The following ABCD2 variants were observed in gnomAD, a reference collection of about 807,000 sequenced individuals.
ABCD2 encodes ATP-binding cassette sub-family D member 2.
Under a neutral mutation model 70.9 loss-of-function variants are expected in ABCD2, and 36 were observed. The ratio of observed to expected loss-of-function variants is 0.51; its 90% CI spans 0.39 to 0.67. The LOEUF is 0.67. ABCD2 is among the 30% of genes least tolerant of loss of function. ABCD2 has a pLI of 0.00. For missense variants in ABCD2, 729 were observed against 890.2 expected, an observed-to-expected ratio of 0.82 and a Z score of 2.30; for synonymous variants, 304 against 306.9, an observed-to-expected ratio of 0.99 and a Z score of 0.10.
Position 39,617,080 on chromosome 12 carries a change from A to C in ABCD2, c.1028T>G (p.Ile343Arg). The C allele has an allele frequency of 6.2e-7, 1 of 1,613,176 alleles. No homozygotes were observed. Among genetic ancestry groups the C allele is most frequent in the Non-Finnish European group, 8.5e-7 (1 of 1,179,406 alleles). ...ILSKRLWYIMIEQFLMKYVWS... is the reference protein window; with the variant it reads ...ILSKRLWYIMREQFLMKYVWS... ...AACATACTTCATCAGGAACTGTTCT[A>C]TCATGATGTACCACAAACGTTTGGA... is the stretch of plus-strand genomic sequence containing the variant. Residue 343 changes from isoleucine to arginine, a missense_variant, in exon 2 of 10, where the codon ATA becomes AGA. Physicochemically the swap from Ile to Arg is moderately conservative, Grantham distance 97. This residue lies in a region of ABCD2 where 195 missense variants were observed against 300.2 expected (regional missense o/e 0.65). Coordinates refer to ENST00000308666, the MANE Select transcript of ABCD2 (RefSeq NM_005164.4).
chr12:39,549,048 T>A (rs1431454543), downstream of ABCD2, among the ~76,000 whole-genome samples: 3 of 152,032 alleles, frequency 2.0e-5, no homozygotes, highest in Non-Finnish European at 1.5e-5. Flanking sequence ...GACTTACCTT[T>A]GAATGTATAA....
At chr12:39,567,495 C>G (rs1243743475) in intron 9 of ABCD2, among the ~76,000 whole-genome samples, 1 of 152,176 alleles carries the variant, frequency 6.6e-6, no homozygotes, top group Admixed American at 6.5e-5. Flanking sequence ...AGATCTTCCT[C>G]TATCCCTTTA....
the ABCD2 span, among the ~76,000 whole-genome samples, chr12:39,534,760 G>GAGAAAGAGAAAGAAAGAAAGAA: frequency 2.8e-3 from 320 of 113,216 alleles, 4 homozygotes; most frequent in Middle Eastern, 4.4e-3. Context: ...AAGAAAGAAA[G>GAGAAAGAGAAAGAAAGAAAGAA]AGAAAGAAAG....
chr12:39,569,425 C>A (rs1372255233), intron 9 of ABCD2, among the ~76,000 whole-genome samples: 2 of 152,240 alleles, frequency 1.3e-5, no homozygotes, highest in Non-Finnish European at 2.9e-5. Context: ...CCCTCCGAGC[C>A]AGGCACGGGA....
intron 9 of ABCD2, among the ~76,000 whole-genome samples, chr12:39,563,368 G>C (rs929313215): frequency 6.6e-5 from 10 of 151,872 alleles, no homozygotes; most frequent in African/African-American, 2.4e-4. Context: ...GTCCAGCCTG[G>C]GTGACAGAGT....
In ABCD2 at chr12:39,581,740, A is replaced by G. The variant is rs147961566; in HGVS notation, c.1793-2121T>C. ...GGACACTTTAACTTTTACATATTTT[A>G]ATAAATCACGTTCTTTGTTCTACTA... On this transcript the variant is annotated intron_variant, in intron 7 of 9. Transcript: ENST00000308666. 1.6e-3 allele frequency among the ~76,000 whole-genome samples: 237 copies of G among 152,328 alleles called. 1 individual carries two copies. The highest frequency in any genetic ancestry group is 5.4e-3 in the African/African-American group (226 of 41,572).
the ABCD2 span, among the ~76,000 whole-genome samples, chr12:39,532,614 G>A: frequency 6.6e-6 from 1 of 152,102 alleles, no homozygotes; most frequent in Non-Finnish European, 1.5e-5. Flanking sequence ...TTAGCAGCAT[G>A]GAAGCCACGT....
chr12:39,572,091 C>G (rs548135055), intron 9 of ABCD2, among the ~76,000 whole-genome samples: 10 of 152,136 alleles, frequency 6.6e-5, no homozygotes, highest in Non-Finnish European at 1.0e-4. Flanking sequence ...AAAGGCATAG[C>G]CTTACAGATT....
At chr12:39,611,085 A>C (rs1942038589) in intron 2 of ABCD2, among the ~76,000 whole-genome samples, 1 of 152,220 alleles carries the variant, frequency 6.6e-6, no homozygotes, top group African/African-American at 2.4e-5. Context: ...TCTGATAGTA[A>C]AGAGTACATA....
At chr12:39,606,008 T>C (rs1037747594) in intron 3 of ABCD2, among the ~76,000 whole-genome samples, 4 of 152,202 alleles carry the variant, frequency 2.6e-5, no homozygotes, top group African/African-American at 9.6e-5. Flanking sequence ...TGATTTCTAA[T>C]GTTATCTGGA....
chr12:39,611,944 G>C (rs1942050196), intron 2 of ABCD2, among the ~76,000 whole-genome samples: 1 of 151,932 alleles, frequency 6.6e-6, no homozygotes, highest in Non-Finnish European at 1.5e-5. Flanking sequence ...AGACTTACAG[G>C]CACGTCATAA....
intron 9 of ABCD2, among the ~76,000 whole-genome samples, chr12:39,555,798 A>G (rs78549944): frequency 0.017 from 2,582 of 152,266 alleles, 83 homozygotes; most frequent in African/African-American, 0.058. Context: ...TCTGGTCTGC[A>G]TCACCACGAA....
At chr12:39,537,990 T>C in the ABCD2 span, among the ~76,000 whole-genome samples, 1 of 152,078 alleles carries the variant, frequency 6.6e-6, no homozygotes, top group East Asian at 1.9e-4. Flanking sequence ...TATAACTAAA[T>C]CAAATGGAAA....
At chr12:39,615,620 GAT>G (rs1408496212) in intron 2 of ABCD2, among the ~76,000 whole-genome samples, 1 of 151,824 alleles carries the variant, frequency 6.6e-6, no homozygotes, top group Admixed American at 6.6e-5. Flanking sequence ...AAGTATAATT[GAT>G]ATATGCATAA....
chr12:39,579,231 A>G (rs916591954), intron 8 of ABCD2, among the ~76,000 whole-genome samples: 5 of 152,108 alleles, frequency 3.3e-5, no homozygotes, highest in Non-Finnish European at 4.4e-5. Context: ...GCGTGGTGGC[A>G]CACGCCTGTA....
the ABCD2 span, among the ~76,000 whole-genome samples, chr12:39,533,154 C>T: frequency 4.6e-5 from 7 of 151,090 alleles, no homozygotes; most frequent in East Asian, 1.9e-4. Flanking sequence ...GACAAGAGCA[C>T]GACTCTGTCT....
Position 39,619,402 on chromosome 12 carries a change from TG to T in ABCD2, c.213del (p.Ile72PhefsTer9), listed in dbSNP as rs1395247532. Reference protein sequence around the residue: ...ENTEILHCTETICEKPSPGVN... With the variant: ...ENTEILHCTEXICEKPSPGVN... ...ACTCCAGGCGAAGGTTTTTCACAAATGGTCTCGGTGCAATGCAGTATTTCTG... is the reference window on the plus strand; with the variant it reads ...ACTCCAGGCGAAGGTTTTTCACAAATGTCTCGGTGCAATGCAGTATTTCTG... On this transcript the variant is annotated frameshift_variant, in exon 1 of 10. Transcript: ENST00000308666. LOFTEE classifies it high-confidence loss of function. The T allele has an allele frequency of 6.2e-7, 1 of 1,614,058 alleles. No homozygotes were observed. The highest frequency in any genetic ancestry group is 8.5e-7 in the Non-Finnish European group (1 of 1,180,036).
chr12:39,593,266 C>A (rs1941770722), intron 6 of ABCD2, among the ~76,000 whole-genome samples: 1 of 151,830 alleles, frequency 6.6e-6, no homozygotes, highest in Non-Finnish European at 1.5e-5. Context: ...TATTTTTATT[C>A]TTTTGAGATA....
the ABCD2 span, among the ~76,000 whole-genome samples, chr12:39,535,345 G>A: frequency 1.3e-5 from 2 of 152,072 alleles, no homozygotes; most frequent in Non-Finnish European, 2.9e-5. Flanking sequence ...CAAATCACTA[G>A]ACCTCTCTAT....
Sources: allele counts gnomAD v4.1 joint callset (sites outside exome capture counted in the v4.1 genomes callset), GRCh38; gene constraint gnomAD v4.1.1; regional missense constraint gnomAD v4.1.1; transcripts MANE v1.5; gene names NCBI Gene and HGNC (gene_info 2026-07-23, HGNC 2026-07-21).